The following ST6GAL2 variants were observed in gnomAD, a reference collection of about 807,000 sequenced individuals.
ST6GAL2 encodes the protein ST6 beta-galactoside alpha-2,6-sialyltransferase 2, also known as beta-galactoside alpha-2,6-sialyltransferase 2.
A neutral mutation model predicts 37.5 loss-of-function variants in ST6GAL2; 24 were observed. That is an observed-to-expected ratio of 0.64 (90% CI 0.46 to 0.90). ST6GAL2 has a LOEUF of 0.90. ST6GAL2 is among the 40% of genes least tolerant of loss of function. The pLI is 0.00. For synonymous variants in ST6GAL2, 306 were observed against 295.1 expected, an observed-to-expected ratio of 1.04 and a Z score of -0.38; for missense variants, 715 against 712.7, an observed-to-expected ratio of 1.00 and a Z score of -0.04.
intron 5 of ST6GAL2, among the ~76,000 whole-genome samples, chr2:106,818,767 G>A (rs1037401517): frequency 1.3e-5 from 2 of 152,042 alleles, no homozygotes; most frequent in Admixed American, 1.3e-4. Context: ...CAATCCCACA[G>A]AGACAGAGAT....
intron 1 of ST6GAL2, among the ~76,000 whole-genome samples, chr2:106,848,043 C>CTTTTTTT (rs1170945878): frequency 7.1e-6 from 1 of 140,180 alleles, no homozygotes; most frequent in African/African-American, 2.6e-5. Context: ...TTTTCTCTTT[C>CTTTTTTT]TTTTTTTTTT....
intron 2 of ST6GAL2, among the ~76,000 whole-genome samples, chr2:106,839,876 G>T (rs1409562385): frequency 1.3e-5 from 2 of 152,204 alleles, no homozygotes; most frequent in African/African-American, 2.4e-5. Context: ...GAATGATCCA[G>T]GTTTCCAAAA....
In ST6GAL2 at chr2:106,806,767, C is replaced by T. The variant is rs760683299; in HGVS notation, c.1501G>A (p.Gly501Arg). The change falls in exon 6 of 6, where the codon GGG becomes AGG. Residue 501 changes from glycine to arginine, a missense_variant. Gly to Arg is a moderately radical substitution (Grantham distance 125). This residue lies in a region of ST6GAL2 where 198 missense variants were observed against 203.6 expected (regional missense o/e 0.97). Coordinates refer to ENST00000409382, the MANE Select transcript of ST6GAL2 (RefSeq NM_001142351.2). ...ACCTTGCCCTTGCGATGCAAATCCCCCTGCGTGCCCATGTTCAGGCGCTGC... is the reference window on the plus strand; with the variant it reads ...ACCTTGCCCTTGCGATGCAAATCCCTCTGCGTGCCCATGTTCAGGCGCTGC... ...LVQRLNMGTQ[G>R]DLHRKGKVVL... The T allele has an allele frequency of 6.2e-7, 1 of 1,614,164 alleles. No homozygotes were observed. The highest frequency in any genetic ancestry group is 8.5e-7 in the Non-Finnish European group (1 of 1,180,040).
At chr2:106,863,565 G>A (rs770101856) in intron 1 of ST6GAL2, among the ~76,000 whole-genome samples, 11 of 152,146 alleles carry the variant, frequency 7.2e-5, no homozygotes, top group Non-Finnish European at 1.2e-4. Flanking sequence ...GGCACCTGTA[G>A]AACGTGTAGG....
chr2:106,854,011 C>T (rs1677475285), intron 1 of ST6GAL2, among the ~76,000 whole-genome samples: 1 of 152,182 alleles, frequency 6.6e-6, no homozygotes, highest in African/African-American at 2.4e-5. Context: ...TGTAAATTCG[C>T]TTCAGTCCTG....
intron 1 of ST6GAL2, among the ~76,000 whole-genome samples, chr2:106,881,181 G>C (rs1678736350): frequency 6.6e-6 from 1 of 151,922 alleles, no homozygotes; most frequent in African/African-American, 2.4e-5. Context: ...TAGTTATGGG[G>C]GTCTTGTTAT....
At chr2:106,868,913 A>G (rs1448689270) in intron 1 of ST6GAL2, among the ~76,000 whole-genome samples, 3 of 152,224 alleles carry the variant, frequency 2.0e-5, no homozygotes. Flanking sequence ...GAGTGTCATT[A>G]CATTCTGCTC....
rs907103253 is a variant in ST6GAL2, at chr2:106,801,617, CAT to C, written c.*5059_*5060del. 6.6e-6 allele frequency: 1 copy of C among 152,176 alleles called. No homozygotes were observed. Among genetic ancestry groups the C allele is most frequent in the African/African-American group, 2.4e-5 (1 of 41,438 alleles). 9.4% of individuals were successfully genotyped at this position (152,176 alleles called of 1,614,324 possible). ...CAAGAAACTTCTAGACAAATGAAAA[CAT>C]GTTTTATTTACAAGAAAAAAGTCTG... On this transcript the variant is annotated 3_prime_UTR_variant, in exon 6 of 6. Coordinates refer to ENST00000409382, the MANE Select transcript of ST6GAL2 (RefSeq NM_001142351.2).
chr2:106,829,920 A>G, intron 5 of ST6GAL2, 146 bp downstream of exon 5: 1 of 810,556 alleles, frequency 1.2e-6, no homozygotes, highest in Non-Finnish European at 1.9e-6. Context: ...ATCTGAAAAA[A>G]AAAAATCCAA....
intron 1 of ST6GAL2, among the ~76,000 whole-genome samples, chr2:106,884,938 T>TATACACACAC (rs1426798721): frequency 4.0e-5 from 5 of 123,724 alleles, no homozygotes; most frequent in African/African-American, 1.2e-4. Context: ...TATATATACA[T>TATACACACAC]ACACACACAC....
chr2:106,867,349 T>G (rs1439356208), intron 1 of ST6GAL2, among the ~76,000 whole-genome samples: 3 of 152,228 alleles, frequency 2.0e-5, no homozygotes, highest in Non-Finnish European at 4.4e-5. Context: ...GATTCCACTG[T>G]TGGCAATCTG....
upstream of ST6GAL2, chr2:106,886,276 G>C (rs1210798005): frequency 6.6e-6 from 1 of 152,162 alleles, no homozygotes; most frequent in Non-Finnish European, 1.5e-5. Context: ...GACCCTGGCC[G>C]GGGTCCCCGA....
chr2:106,824,484 T>A (rs541834846), intron 5 of ST6GAL2, among the ~76,000 whole-genome samples: 7 of 151,948 alleles, frequency 4.6e-5, no homozygotes, highest in Non-Finnish European at 8.8e-5. Context: ...TACAAAAAAT[T>A]AGCTGGGCAC....
At chr2:106,872,990 G>T (rs919921920) in intron 1 of ST6GAL2, among the ~76,000 whole-genome samples, 17 of 152,040 alleles carry the variant, frequency 1.1e-4, no homozygotes, top group Non-Finnish European at 1.6e-4. Context: ...TTTTAGCCTT[G>T]CCTTTGGGAG....
intron 1 of ST6GAL2, chr2:106,885,812 A>AAGAC (rs1418865565): frequency 1.3e-5 from 2 of 152,244 alleles, no homozygotes; most frequent in African/African-American, 4.8e-5. Context: ...TGGCTGAAGA[A>AAGAC]AGACAAAAAT....
rs1675418472 is a variant in ST6GAL2, at chr2:106,806,513, A to C, written c.*165T>G. ...AACCATTTCTATGTTCAAAGCAGTA[A>C]TACATACTCAATGGCTTAGAAAGAG... On this transcript the variant is annotated 3_prime_UTR_variant, in exon 6 of 6. Coordinates refer to ENST00000409382, the MANE Select transcript of ST6GAL2 (RefSeq NM_001142351.2). 1.3e-6 allele frequency: 1 copy of C among 784,160 alleles called. No individual in the cohort carries two copies. Among genetic ancestry groups the C allele is most frequent in the Non-Finnish European group, 2.0e-6 (1 of 499,882 alleles). The allele number at this position is 784,160 out of a possible 1,614,324, so 48.6% of individuals were successfully genotyped here. A position where few individuals can be genotyped will look rare whatever the true frequency, so the allele number is the denominator to read the frequency against.
At chr2:106,855,479 A>T (rs1397948159) in intron 1 of ST6GAL2, among the ~76,000 whole-genome samples, 1 of 152,212 alleles carries the variant, frequency 6.6e-6, no homozygotes, top group African/African-American at 2.4e-5. Context: ...CATTTATGTA[A>T]AATGTTTAAA....
At chr2:106,807,800 AT>A (rs930772069) in intron 5 of ST6GAL2, among the ~76,000 whole-genome samples, 15 of 151,934 alleles carry the variant, frequency 9.9e-5, no homozygotes, top group Admixed American at 3.9e-4. Context: ...AATATTTTGT[AT>A]TTTTAGTAGA....
intron 1 of ST6GAL2, among the ~76,000 whole-genome samples, chr2:106,855,722 A>C (rs1193428866): frequency 6.6e-6 from 1 of 152,258 alleles, no homozygotes; most frequent in African/African-American, 2.4e-5. Context: ...TTAAACAATG[A>C]AAATTTATAA....
Sources: allele counts gnomAD v4.1 joint callset (sites outside exome capture counted in the v4.1 genomes callset), GRCh38; gene constraint gnomAD v4.1.1; regional missense constraint gnomAD v4.1.1; transcripts MANE v1.5; gene names NCBI Gene and HGNC (gene_info 2026-07-23, HGNC 2026-07-21).